The following PCDHGA2 variants were observed in gnomAD, a reference collection of about 807,000 sequenced individuals.
PCDHGA2 encodes protocadherin gamma subfamily A, 2, also known as protocadherin gamma-A2.
In PCDHGA2, 40 loss-of-function variants were observed where a neutral mutation model predicts 59.2. The observed-to-expected ratio is 0.68, with a 90% CI of 0.52 to 0.88. The LOEUF (loss-of-function observed/expected upper bound fraction) is 0.88. Ranked by LOEUF, PCDHGA2 falls within the 40% of genes least tolerant of loss-of-function variation. PCDHGA2 has a pLI of 0.00. For synonymous variants in PCDHGA2, 560 were observed against 526.0 expected, an observed-to-expected ratio of 1.06 and a Z score of -0.89; for missense variants, 1,226 against 1,204.0, an observed-to-expected ratio of 1.02 and a Z score of -0.27.
chr5:141,375,475 C>T (rs774489564), intron 1 of PCDHGA2: 2 of 1,614,002 alleles, frequency 1.2e-6, no homozygotes, highest in East Asian at 2.2e-5. Context: ...TCCTTGAAAA[C>T]AACCCCAGGG....
chr5:141,388,334 A>G (rs2091318945), intron 1 of PCDHGA2: 2 of 1,613,972 alleles, frequency 1.2e-6, no homozygotes, highest in South Asian at 1.1e-5. Flanking sequence ...AGCCTGGCAC[A>G]CGATTTATAT....
chr5:141,345,058 A>G, intron 1 of PCDHGA2: 1 of 1,613,992 alleles, frequency 6.2e-7, no homozygotes. Context: ...GATGTGAATG[A>G]CAATGCTCCA....
intron 1 of PCDHGA2, among the ~76,000 whole-genome samples, chr5:141,455,904 TTTATTTA>T: frequency 6.8e-6 from 1 of 147,982 alleles, no homozygotes. Flanking sequence ...TATTTATTTA[TTTATTTA>T]TTTTGAGACG....
At chr5:141,460,122 G>A (rs530307574) in intron 1 of PCDHGA2, among the ~76,000 whole-genome samples, 2 of 151,928 alleles carry the variant, frequency 1.3e-5, no homozygotes, top group African/African-American at 4.8e-5. Flanking sequence ...TTTTATATAT[G>A]TAATATATAT....
chr5:141,438,319 T>C (rs934592523), intron 1 of PCDHGA2, among the ~76,000 whole-genome samples: 1 of 151,982 alleles, frequency 6.6e-6, no homozygotes, highest in African/African-American at 2.4e-5. Flanking sequence ...CACCATAATT[T>C]TTCTTATACA....
chr5:141,371,790 C>A, intron 1 of PCDHGA2: 1 of 1,613,956 alleles, frequency 6.2e-7, no homozygotes, highest in Middle Eastern at 1.6e-4. Flanking sequence ...TGAGAACAAT[C>A]CGCCTGGAGC....
intron 1 of PCDHGA2, chr5:141,350,612 G>T: frequency 6.2e-7 from 1 of 1,614,070 alleles, no homozygotes; most frequent in South Asian, 1.1e-5. Context: ...CCACGTGGTT[G>T]TTGTAATCCA....
intron 1 of PCDHGA2, chr5:141,382,987 C>G: frequency 6.2e-7 from 1 of 1,613,278 alleles, no homozygotes; most frequent in Non-Finnish European, 8.5e-7. Context: ...CTGGGCAGGA[C>G]GTATTCTCTA....
chr5:141,450,985 C>T (rs533993975), intron 1 of PCDHGA2, among the ~76,000 whole-genome samples: 22 of 151,876 alleles, frequency 1.4e-4, no homozygotes, highest in African/African-American at 3.9e-4. Flanking sequence ...CCACCACACC[C>T]GGCTAATTTT....
At chr5:141,467,643 C>G (rs2099147861) in intron 1 of PCDHGA2, among the ~76,000 whole-genome samples, 1 of 152,112 alleles carries the variant, frequency 6.6e-6, no homozygotes, top group Non-Finnish European at 1.5e-5. Flanking sequence ...TTATCATGTA[C>G]CAAACTTCTA....
rs767337670 is a variant in PCDHGA2 at position 141,433,083 on chromosome 5, A to G, written c.2425-61724A>G. 8.1e-6 allele frequency: 13 copies of G among 1,614,174 alleles called. 1 individual carries two copies. Among genetic ancestry groups the G allele is most frequent in the Non-Finnish European group, 9.3e-6 (11 of 1,180,024 alleles). ...CACCTGATCTTCCCCCAGCCCAACT[A>G]TGCAGACATGCTCGTCAGCCAGGAG... On this transcript the variant is annotated intron_variant, in intron 1 of 3. Coordinates refer to ENST00000394576, the MANE Select transcript of PCDHGA2 (RefSeq NM_018915.4).
chr5:141,359,700 A>T (rs1336602440), intron 1 of PCDHGA2, among the ~76,000 whole-genome samples: 1 of 152,144 alleles, frequency 6.6e-6, no homozygotes, highest in Non-Finnish European at 1.5e-5. Flanking sequence ...CTCCGGAAGG[A>T]TACCTAAGAA....
rs181397365 is a variant in PCDHGA2, at chr5:141,481,810, G to A, written c.2425-12997G>A. Among the ~76,000 whole-genome samples, 99 of 151,944 alleles carry A rather than the reference G, an allele frequency of 6.5e-4. 1 individual carries two copies. The highest frequency in any genetic ancestry group is 2.4e-3 in the African/African-American group (98 of 41,418). On this transcript the variant is annotated intron_variant, in intron 1 of 3. Transcript: ENST00000394576. ...CTACTAAAAATACAAAAATTCACCA[G>A]GCGTGGTGGCTGAGGCAGGAGAATC...
intron 1 of PCDHGA2, chr5:141,478,687 A>G: frequency 6.4e-7 from 1 of 1,551,218 alleles, no homozygotes; most frequent in Middle Eastern, 1.7e-4. Context: ...CCCTTCCTAG[A>G]TCAAAGTTAG....
At chr5:141,391,306 C>CTTTTTTTTTTTT in intron 1 of PCDHGA2, 1 of 146,116 alleles carries the variant, frequency 6.8e-6, no homozygotes. Flanking sequence ...TCTTTCGATT[C>CTTTTTTTTTTTT]TTTTTTTTTT....
intron 1 of PCDHGA2, among the ~76,000 whole-genome samples, chr5:141,458,063 G>A (rs1011861177): frequency 1.3e-5 from 2 of 152,190 alleles, no homozygotes; most frequent in African/African-American, 4.8e-5. Context: ...CTGCACTGAT[G>A]CGAACAACTA....
Position 141,489,316 on chromosome 5 carries a change from T to C in PCDHGA2, c.2425-5491T>C, listed in dbSNP as rs2099685399. On this transcript the variant is annotated intron_variant, in intron 1 of 3. Transcript: ENST00000394576. This position sits in a 1 kb window ranked among gnomAD's most constrained non-coding sequence, Gnocchi z 4.5. The stretch of plus-strand genomic sequence containing the variant: ...CATGTTGTCCTTGTGCTGCTGGGGC[T>C]GGGTGTCTGGGCAGCTTCGTTACTC... The C allele has an allele frequency of 1.3e-6, 2 of 1,597,946 alleles. No individual in the cohort carries two copies. Among genetic ancestry groups the C allele is most frequent in the Admixed American group, 1.7e-5 (1 of 58,864 alleles).
Position 141,485,432 on chromosome 5 carries a change from A to C in PCDHGA2, c.2425-9375A>C. The C allele has an allele frequency of 6.2e-7, 1 of 1,614,178 alleles. No individual in the cohort carries two copies. Among genetic ancestry groups the C allele is most frequent in the Non-Finnish European group, 8.5e-7 (1 of 1,180,028 alleles). ...TTTGGACAGCGGAGCCCTGCTCATC[A>C]AGAACCCAATCGACCGAGAGGCACT... On this transcript the variant is annotated intron_variant, in intron 1 of 3. Transcript: ENST00000394576. The surrounding 1 kb of genome is among the most constrained non-coding windows in gnomAD (Gnocchi z 5.7).
At chr5:141,357,042 G>A (rs961651879) in intron 1 of PCDHGA2, 5 of 1,613,996 alleles carry the variant, frequency 3.1e-6, no homozygotes, top group Admixed American at 3.3e-5. Flanking sequence ...CCAGCGAGCC[G>A]GGACTATTTG....
Sources: allele counts gnomAD v4.1 joint callset (sites outside exome capture counted in the v4.1 genomes callset), GRCh38; gene constraint gnomAD v4.1.1; non-coding constraint Gnocchi (gnomAD v3.1); transcripts MANE v1.5; gene names NCBI Gene and HGNC (gene_info 2026-07-23, HGNC 2026-07-21).